Variants in CORIN observed in about 807,000 individuals in gnomAD.
The protein encoded by CORIN is atrial natriuretic peptide-converting enzyme.
A neutral mutation model predicts 125.3 loss-of-function variants in CORIN; 117 were observed. The observed-to-expected ratio is 0.93, with a 90% CI of 0.80 to 1.09. The LOEUF (loss-of-function observed/expected upper bound fraction) is 1.09, where lower values mean the gene tolerates loss of function less well. Among genes scored for constraint, CORIN ranks in the 50% least tolerant of loss-of-function variants. CORIN has a pLI of 0.00. For missense variants in CORIN, 1,253 were observed against 1,306.7 expected (o/e 0.96, Z 0.63); for synonymous variants, 450 against 466.4 (o/e 0.96, Z 0.45).
At chr4:47,668,123 C>A (rs1020314247) in intron 10 of CORIN, among the ~76,000 whole-genome samples, 1 of 152,138 alleles carries the variant, frequency 6.6e-6, no homozygotes, top group African/African-American at 2.4e-5. Context: ...TTTCCAGCTT[C>A]CAGAACTGTG....
At chr4:47,741,148 C>T (rs188403271) in intron 5 of CORIN, among the ~76,000 whole-genome samples, 7 of 151,916 alleles carry the variant, frequency 4.6e-5, no homozygotes, top group South Asian at 4.1e-4. Flanking sequence ...AAACAGCCCC[C>T]GAAGAATGTA....
chr4:47,715,213 T>C (rs1425194544), intron 5 of CORIN, among the ~76,000 whole-genome samples: 8 of 152,238 alleles, frequency 5.3e-5, no homozygotes, highest in Non-Finnish European at 1.2e-4. Context: ...CATCAAAATT[T>C]ACTGATTACA....
chr4:47,751,397 C>T (rs1484787817), intron 4 of CORIN, among the ~76,000 whole-genome samples: 1 of 152,138 alleles, frequency 6.6e-6, no homozygotes, highest in Non-Finnish European at 1.5e-5. Context: ...CATTCATATG[C>T]AAATAATCAC....
intron 5 of CORIN, among the ~76,000 whole-genome samples, chr4:47,712,578 C>T (rs1464689981): frequency 5.9e-5 from 9 of 152,112 alleles, no homozygotes; most frequent in East Asian, 1.9e-4. Flanking sequence ...CCACTGCACC[C>T]GGCTGACATC....
chr4:47,776,700 A>G (rs1730318512), intron 3 of CORIN, among the ~76,000 whole-genome samples: 1 of 152,340 alleles, frequency 6.6e-6, no homozygotes, highest in Non-Finnish European at 1.5e-5. Context: ...ACAAAATTTT[A>G]TATCTCCCAC....
chr4:47,742,924 G>C (rs143014138), intron 5 of CORIN, among the ~76,000 whole-genome samples: 1 of 151,990 alleles, frequency 6.6e-6, no homozygotes, highest in Non-Finnish European at 1.5e-5. Flanking sequence ...TTCAAAAATA[G>C]ATATACATGT....
At chr4:47,684,105 G>A (rs1344721555) in intron 6 of CORIN, among the ~76,000 whole-genome samples, 3 of 152,130 alleles carry the variant, frequency 2.0e-5, no homozygotes, top group Non-Finnish European at 4.4e-5. Flanking sequence ...ATCCTTGATT[G>A]TTAAAGATGA....
intron 2 of CORIN, among the ~76,000 whole-genome samples, chr4:47,791,177 T>C (rs1348336274): frequency 6.6e-6 from 1 of 152,122 alleles, no homozygotes; most frequent in Non-Finnish European, 1.5e-5. Flanking sequence ...CCCAATGTAA[T>C]CACAAGGGTC....
intron 6 of CORIN, among the ~76,000 whole-genome samples, chr4:47,684,980 C>A (rs182785408): frequency 3.9e-5 from 6 of 152,144 alleles, no homozygotes; most frequent in Admixed American, 3.3e-4. Context: ...GATATAACTA[C>A]ACATCCCTTA....
intron 5 of CORIN, among the ~76,000 whole-genome samples, chr4:47,694,251 G>A (rs1294216089): frequency 1.3e-5 from 2 of 152,060 alleles, no homozygotes; most frequent in Non-Finnish European, 2.9e-5. Flanking sequence ...ATCGGGAGAG[G>A]TATATTATCT....
At chr4:47,834,596 T>C (rs1395122069) in intron 1 of CORIN, among the ~76,000 whole-genome samples, 4 of 152,116 alleles carry the variant, frequency 2.6e-5, no homozygotes, top group Admixed American at 6.5e-5. Context: ...GTAGATCTTA[T>C]GTTAAGTGTC....
intron 5 of CORIN, among the ~76,000 whole-genome samples, chr4:47,710,483 T>C (rs1398590594): frequency 6.6e-6 from 1 of 152,272 alleles, no homozygotes; most frequent in East Asian, 1.9e-4. Context: ...TGCCAAGCAG[T>C]TTCTGTCCCA....
intron 2 of CORIN, among the ~76,000 whole-genome samples, chr4:47,793,360 G>A (rs1242689405): frequency 6.6e-6 from 1 of 152,186 alleles, no homozygotes; most frequent in African/African-American, 2.4e-5. Flanking sequence ...GCCAAGAGGG[G>A]TATCAGTGTA....
intron 19 of CORIN, among the ~76,000 whole-genome samples, chr4:47,608,150 A>G (rs9759538): frequency 0.63 from 95,745 of 151,788 alleles, 31,237 homozygotes; most frequent in African/African-American, 0.79. Context: ...GCAAAACCCC[A>G]TTTCTACAAA....
chr4:47,829,507 A>G (rs531151283), intron 1 of CORIN, among the ~76,000 whole-genome samples: 1 of 152,324 alleles, frequency 6.6e-6, no homozygotes, highest in East Asian at 1.9e-4. Context: ...GCAAATTATC[A>G]AACCTGAAGA....
intron 13 of CORIN, among the ~76,000 whole-genome samples, chr4:47,648,549 C>T (rs1405614265): frequency 6.6e-6 from 1 of 151,954 alleles, no homozygotes; most frequent in Non-Finnish European, 1.5e-5. Flanking sequence ...GAGGCAGTAC[C>T]CCCCCACCCC....
rs188646468 is a variant in CORIN at position 47,697,485 on chromosome 4, G to A, written c.800-4402C>T. On this transcript the variant is annotated intron_variant, in intron 5 of 21. Coordinates refer to ENST00000273857, the MANE Select transcript of CORIN (RefSeq NM_006587.4). ...TCCCAGCACTTTGGAAGGCCGAGGC[G>A]GGCAGATCGCCTGAGGTCAGGGGTT... 2.8e-3 allele frequency among the ~76,000 whole-genome samples: 419 copies of A among 152,190 alleles called. 1 individual carries two copies. The highest frequency in any genetic ancestry group is 9.7e-3 in the African/African-American group (402 of 41,522).
intron 16 of CORIN, among the ~76,000 whole-genome samples, chr4:47,637,295 C>T (rs553909527): frequency 1.7e-4 from 26 of 152,234 alleles, no homozygotes; most frequent in African/African-American, 5.5e-4. Context: ...AAATTTGCAG[C>T]GTGACAATGC....
intron 2 of CORIN, among the ~76,000 whole-genome samples, chr4:47,790,910 CA>C (rs767134071): frequency 1.4e-5 from 2 of 147,896 alleles, no homozygotes; most frequent in African/African-American, 5.0e-5. Flanking sequence ...GCTCTATAGC[CA>C]AAAAAAATGT....
Sources: allele counts gnomAD v4.1 joint callset (sites outside exome capture counted in the v4.1 genomes callset), GRCh38; gene constraint gnomAD v4.1.1; transcripts MANE v1.5; gene names NCBI Gene and HGNC (gene_info 2026-07-23, HGNC 2026-07-21).